Variants in TATDN3 observed in about 807,000 individuals in gnomAD.
The protein encoded by TATDN3 is deoxyribonuclease TATDN3.
TATDN3 carries 29 observed loss-of-function variants against 40.1 expected under a neutral mutation model. The ratio of observed to expected loss-of-function variants is 0.72; its 90% confidence interval spans 0.54 to 0.99. The LOEUF (loss-of-function observed/expected upper bound fraction) is 0.99, where lower values mean the gene tolerates loss of function less well. Ranked by LOEUF, TATDN3 falls within the 50% of genes least tolerant of loss-of-function variation. The pLI, the probability that TATDN3 is intolerant of heterozygous loss-of-function variation, is 0.00. For missense variants in TATDN3, 309 were observed against 321.9 expected, an observed-to-expected ratio of 0.96 and a Z score of 0.31; for synonymous variants, 105 against 117.0, an observed-to-expected ratio of 0.90 and a Z score of 0.66.
intron 9 of TATDN3, among the ~76,000 whole-genome samples, chr1:212,812,866 G>A (rs1219462355): frequency 6.6e-6 from 1 of 152,094 alleles, no homozygotes; most frequent in African/African-American, 2.4e-5. Context: ...TTAGCTGGGC[G>A]TGGTGGCACA....
chr1:212,808,076 G>A (rs1457379153), intron 8 of TATDN3, among the ~76,000 whole-genome samples: 1 of 152,116 alleles, frequency 6.6e-6, no homozygotes, highest in East Asian at 1.9e-4. Flanking sequence ...ACTTTGGAAG[G>A]CTGAAGCGGG....
At chr1:212,798,574 T>G (rs1661971906) in intron 4 of TATDN3, among the ~76,000 whole-genome samples, 1 of 151,230 alleles carries the variant, frequency 6.6e-6, no homozygotes, top group Non-Finnish European at 1.5e-5. Context: ...GAAAATTCAT[T>G]CATTTCAGGT....
rs78095001 is a variant in TATDN3 at position 212,812,250 on chromosome 1, G to A, written c.603G>A (p.Lys201=). 47,352 of 1,567,248 alleles carry A rather than the reference G, an allele frequency of 0.03. 865 individuals are homozygous for A. Among genetic ancestry groups the A allele is most frequent in the South Asian group, 0.043 (3,555 of 83,332 alleles). ...IPPSIIRSGQ[K]QKLVKQLPLT... is the part of the protein sequence containing the mutation. ...AGCTGCTTTCTCTTTTCTCTAAGAA[G>A]CAGAAACTTGTGAAACAATTGCCTT... Residue 201 remains lysine (K), a splice_region_variant and synonymous_variant, in exon 9 of 10, where the codon AAG becomes AAA. Coordinates refer to ENST00000366974, the MANE Select transcript of TATDN3 (RefSeq NM_001042552.3).
chr1:212,791,946 G>C lies in TATDN3; in HGVS notation c.25G>C (p.Val9Leu), dbSNP rs1391209979. MRAAGVGLVDCHCHLSAPD... is the reference protein window; with the variant it reads MRAAGVGLLDCHCHLSAPD... ...AATGCGAGCGGCTGGCGTAGGCTTGGTGGACTGTCACTGCCACCTCTCCGC... is the reference window on the plus strand; with the variant it reads ...AATGCGAGCGGCTGGCGTAGGCTTGCTGGACTGTCACTGCCACCTCTCCGC... The change falls in exon 1 of 10, where the codon GTG (valine) becomes CTG (leucine). Residue 9 changes from valine to leucine, a missense_variant. Coordinates refer to ENST00000366974, the MANE Select transcript of TATDN3 (RefSeq NM_001042552.3). 5 of 1,613,882 alleles carry C rather than the reference G, an allele frequency of 3.1e-6. No individual in the cohort carries two copies. Among genetic ancestry groups the C allele is most frequent in the Non-Finnish European group, 4.2e-6 (5 of 1,179,934 alleles).
chr1:212,794,778 G>C, intron 1 of TATDN3: 1 of 510,450 alleles, frequency 2.0e-6, no homozygotes, highest in Non-Finnish European at 3.8e-6. Context: ...GTGAAGGGTG[G>C]AAAGCATTTC....
At chr1:212,803,012 T>A (rs570779083) in intron 5 of TATDN3, among the ~76,000 whole-genome samples, 1 of 152,300 alleles carries the variant, frequency 6.6e-6, no homozygotes, top group South Asian at 2.1e-4. Context: ...ACTTTGCTTT[T>A]TTTTTCTTAT....
chr1:212,805,232 G>A (rs528417230), intron 7 of TATDN3, among the ~76,000 whole-genome samples: 90 of 150,556 alleles, frequency 6.0e-4, no homozygotes, highest in African/African-American at 2.0e-3. Flanking sequence ...AAAGTGCTGA[G>A]ATTACAGGAT....
intron 4 of TATDN3, 171 bp downstream of exon 4, chr1:212,797,367 G>T (rs772120281): frequency 5.1e-6 from 3 of 587,420 alleles, no homozygotes; most frequent in Non-Finnish European, 9.0e-6. Flanking sequence ...TAGAGAAAAA[G>T]TAGAAACAGC....
Position 212,791,951 on chromosome 1 carries a change from C to CT in TATDN3, c.31dup (p.Cys11LeufsTer11). On this transcript the variant is annotated frameshift_variant, in exon 1 of 10. Transcript: ENST00000366974. LOFTEE classifies it high-confidence loss of function. ...GAGCGGCTGGCGTAGGCTTGGTGGA[C>CT]TGTCACTGCCACCTCTCCGCCCCGG... 1.9e-6 allele frequency: 3 copies of CT among 1,613,968 alleles called. No individual in the cohort carries two copies. The highest frequency in any genetic ancestry group is 2.5e-6 in the Non-Finnish European group (3 of 1,179,970).
At chr1:212,811,180 G>C (rs1662849776) in intron 8 of TATDN3, among the ~76,000 whole-genome samples, 1 of 151,596 alleles carries the variant, frequency 6.6e-6, no homozygotes, top group South Asian at 2.1e-4. Context: ...ACTCTGGCTA[G>C]GCTGGAGTGC....
intron 8 of TATDN3, among the ~76,000 whole-genome samples, chr1:212,810,658 A>G (rs1662822598): frequency 1.3e-5 from 2 of 152,110 alleles, no homozygotes; most frequent in Non-Finnish European, 1.5e-5. Context: ...CTCCACTCCA[A>G]CATGAGTGAC....
chr1:212,796,275 T>C (rs1292030565), intron 2 of TATDN3, among the ~76,000 whole-genome samples: 1 of 152,204 alleles, frequency 6.6e-6, no homozygotes, highest in Non-Finnish European at 1.5e-5. Flanking sequence ...AAACTCTGTC[T>C]CCTGATCTAT....
Position 212,796,564 on chromosome 1 carries a change from T to C in TATDN3, c.147T>C (p.Phe49=). Residue 49 remains phenylalanine (F), a synonymous_variant, in exon 3 of 10, where the codon TTT becomes TTC. Coordinates refer to ENST00000366974, the MANE Select transcript of TATDN3 (RefSeq NM_001042552.3). ...LVAVAEHSGE[F]EKIMQLSERY... The stretch of plus-strand genomic sequence containing the variant: ...CAGTTGCCGAACATTCAGGAGAATT[T>C]GAAAAGATTATGCAACTTTCAGAAA... 6.4e-7 allele frequency: 1 copy of C among 1,570,476 alleles called. No homozygotes were observed. The highest frequency in any genetic ancestry group is 8.6e-7 in the Non-Finnish European group (1 of 1,161,232).
At chr1:212,812,452 G>A (rs1157076143) in intron 9 of TATDN3, 124 bp downstream of exon 9, 3 of 577,144 alleles carry the variant, frequency 5.2e-6, no homozygotes, top group Non-Finnish European at 9.1e-6. Context: ...CCAGATTGAG[G>A]GCTTATATTA....
rs1393970154 is a variant in TATDN3, at chr1:212,797,120, G to A, written c.182G>A (p.Gly61Glu). 6.8e-6 allele frequency: 11 copies of A among 1,613,756 alleles called. No individual in the cohort carries two copies. The highest frequency in any genetic ancestry group is 9.3e-6 in the Non-Finnish European group (11 of 1,179,798). The change falls in exon 4 of 10, where the codon GGG becomes GAG. Residue 61 changes from glycine (G) to glutamate (E), a missense_variant. Gly to Glu is a moderately conservative substitution (Grantham distance 98). Coordinates refer to ENST00000366974, the MANE Select transcript of TATDN3 (RefSeq NM_001042552.3). ...KIMQLSERYN[G>E]FVLPCLGVHP... ...TGGTTCTACATTTTTAGGTATAATGGGTTTGTCCTGCCATGCTTGGGTGTT... is the reference window on the plus strand; with the variant it reads ...TGGTTCTACATTTTTAGGTATAATGAGTTTGTCCTGCCATGCTTGGGTGTT...
At position 212,796,610 on chromosome 1, in the gene TATDN3, T is replaced by C; in HGVS notation, c.173+20T>C. ...AGAAAGGTGCTACTTTTAATTAAGA[T>C]TTTAAAGGGTTGCTAATAAGAACAC... is the stretch of plus-strand genomic sequence containing the variant. On this transcript the variant is annotated intron_variant, in intron 3 of 9. Transcript: ENST00000366974. The C allele has an allele frequency of 1.3e-6, 2 of 1,511,310 alleles. No individual in the cohort carries two copies. Among genetic ancestry groups the C allele is most frequent in the Non-Finnish European group, 8.9e-7 (1 of 1,119,510 alleles). The allele number at this position is 1,511,310 out of a possible 1,614,324, so 93.6% of individuals were successfully genotyped here. A position where few individuals can be genotyped will look rare whatever the true frequency, so the allele number is the denominator to read the frequency against.
intron 9 of TATDN3, among the ~76,000 whole-genome samples, chr1:212,813,042 T>C (rs1025400712): frequency 1.6e-4 from 24 of 152,218 alleles, no homozygotes; most frequent in African/African-American, 5.1e-4. Context: ...AAGTATTACA[T>C]GAAGTAACGT....
At position 212,807,848 on chromosome 1, in the gene TATDN3, G is replaced by C. The variant is rs1662634534; in HGVS notation, c.600G>C (p.Gln200His). The change falls in exon 8 of 10, where the codon CAG (glutamine) becomes CAC (histidine). Residue 200 changes from glutamine (Q) to histidine (H), a missense_variant and splice_region_variant. By Grantham distance (24) the Gln-to-His change is conservative (BLOSUM62 0). Transcript: ENST00000366974. Reference protein sequence around the residue: ...SIPPSIIRSGQKQKLVKQLPL... With the variant: ...SIPPSIIRSGHKQKLVKQLPL... ...CCCCTTCTATCATAAGAAGTGGACA[G>C]GTAAATTTTTTCATTGAAACTCATC... 1.3e-6 allele frequency: 2 copies of C among 1,594,612 alleles called. No homozygotes were observed. The highest frequency in any genetic ancestry group is 4.5e-5 in the East Asian group (2 of 44,708).
intron 5 of TATDN3, among the ~76,000 whole-genome samples, chr1:212,803,125 G>T (rs1249788749): frequency 1.3e-5 from 2 of 150,932 alleles, no homozygotes; most frequent in East Asian, 1.9e-4. Flanking sequence ...TGTAATTAAA[G>T]AACTTTTTTA....
Sources: allele counts gnomAD v4.1 joint callset (sites outside exome capture counted in the v4.1 genomes callset), GRCh38; gene constraint gnomAD v4.1.1; transcripts MANE v1.5; gene names NCBI Gene and HGNC (gene_info 2026-07-23, HGNC 2026-07-21).